The following RARB variants were observed in gnomAD, a reference collection of about 807,000 sequenced individuals.
The protein encoded by RARB is retinoic acid receptor beta, also known as HBV-activated protein.
A neutral mutation model predicts 51.9 loss-of-function variants in RARB; 17 were observed. The ratio of observed to expected loss-of-function variants is 0.33; its 90% CI spans 0.22 to 0.49. The LOEUF (loss-of-function observed/expected upper bound fraction) is 0.49. RARB is among the 20% of genes least tolerant of loss of function. The pLI is 0.99. For synonymous variants in RARB, 215 were observed against 195.4 expected, an observed-to-expected ratio of 1.10 and a Z score of -0.84; for missense variants, 369 against 550.8, an observed-to-expected ratio of 0.67 and a Z score of 3.30.
intron 4 of RARB, among the ~76,000 whole-genome samples, chr3:25,169,391 C>A (rs1431249978): frequency 6.6e-6 from 1 of 152,046 alleles, no homozygotes; most frequent in Non-Finnish European, 1.5e-5. Flanking sequence ...ACATGACATG[C>A]CAGACAAAAT....
intron 5 of RARB, among the ~76,000 whole-genome samples, chr3:25,266,258 A>G (rs1411922588): frequency 6.6e-6 from 1 of 152,132 alleles, no homozygotes; most frequent in Admixed American, 6.5e-5. Flanking sequence ...TGCTTAATAC[A>G]ACAATAGGGG....
chr3:25,562,645 G>A (rs1045087028), intron 3 of RARB, among the ~76,000 whole-genome samples: 5 of 152,038 alleles, frequency 3.3e-5, no homozygotes, highest in Non-Finnish European at 5.9e-5. Context: ...CTCATTTCTG[G>A]AATTGAACTT....
intron 5 of RARB, among the ~76,000 whole-genome samples, chr3:25,356,414 T>C (rs2125460671): frequency 6.6e-6 from 1 of 152,308 alleles, no homozygotes; most frequent in African/African-American, 2.4e-5. Flanking sequence ...TTTATAATAG[T>C]CTATTTCTAA....
At chr3:25,399,355 C>T (rs1707204361) in intron 5 of RARB, among the ~76,000 whole-genome samples, 1 of 152,054 alleles carries the variant, frequency 6.6e-6, no homozygotes, top group Non-Finnish European at 1.5e-5. Context: ...CTTCCAAATC[C>T]CCTTGCATCA....
intron 1 of RARB, among the ~76,000 whole-genome samples, chr3:24,837,692 C>G (rs1047974823): frequency 6.6e-6 from 1 of 152,056 alleles, no homozygotes; most frequent in African/African-American, 2.4e-5. Flanking sequence ...TTTGTTATGG[C>G]ACAGATCGAA....
intron 5 of RARB, among the ~76,000 whole-genome samples, chr3:25,412,786 G>A (rs560367977): frequency 3.5e-4 from 54 of 152,228 alleles, no homozygotes; most frequent in Non-Finnish European, 6.0e-4. Flanking sequence ...TTGGGAGGCC[G>A]AGGCGGGCAG....
chr3:25,437,698 G>C (rs1317713019), intron 1 of RARB, among the ~76,000 whole-genome samples: 1 of 152,162 alleles, frequency 6.6e-6, no homozygotes, highest in Admixed American at 6.5e-5. Flanking sequence ...TGTCACAGTG[G>C]AGCGGGCGTG....
chr3:25,514,072 A>T (rs1383360255), intron 3 of RARB, among the ~76,000 whole-genome samples: 2 of 152,202 alleles, frequency 1.3e-5, no homozygotes, highest in Non-Finnish European at 2.9e-5. Flanking sequence ...TAAAAATAGC[A>T]ACCTGAAATT....
chr3:25,205,017 C>G (rs994802334), intron 5 of RARB, among the ~76,000 whole-genome samples: 3 of 152,260 alleles, frequency 2.0e-5, no homozygotes, highest in Non-Finnish European at 4.4e-5. Context: ...TGCCTTGCCC[C>G]CAGAGGTGGA....
At position 25,007,592 on chromosome 3, in the gene RARB, C is replaced by CAAA. The variant is rs759589176; in HGVS notation, c.-379-52523_-379-52521dup. On this transcript the variant is annotated intron_variant, in intron 2 of 11. Transcript: ENST00000383772. ...CCTGGGCAACAGAGTGAGACTGTCT[C>CAAA]AAAAAAAAAAAACAAAAAAACCTCA... Among the ~76,000 whole-genome samples the CAAA allele has an allele frequency of 1.2e-3, 53 of 45,398 alleles. 5 individuals are homozygous for CAAA. Among genetic ancestry groups the CAAA allele is most frequent in the African/African-American group, 3.8e-3 (36 of 9,460 alleles). The allele number at this position is 45,398 out of a possible 152,430, so 29.8% of individuals were successfully genotyped here.
chr3:25,077,239 G>A (rs902713642), intron 3 of RARB, among the ~76,000 whole-genome samples: 5 of 152,178 alleles, frequency 3.3e-5, no homozygotes, highest in South Asian at 2.1e-4. Flanking sequence ...AGCACATAGT[G>A]AATGTGCAGA....
At chr3:24,880,928 A>G (rs1445666142) in intron 2 of RARB, among the ~76,000 whole-genome samples, 1 of 152,162 alleles carries the variant, frequency 6.6e-6, no homozygotes, top group African/African-American at 2.4e-5. Flanking sequence ...TCATATGTAG[A>G]AGTTCTTTGG....
chr3:25,339,905 A>G (rs1399624670), intron 5 of RARB, among the ~76,000 whole-genome samples: 11 of 152,190 alleles, frequency 7.2e-5, no homozygotes, highest in Admixed American at 3.3e-4. Context: ...CTCTGGCTGC[A>G]GTTTTTATAT....
intron 3 of RARB, among the ~76,000 whole-genome samples, chr3:25,131,239 A>C (rs11129185): frequency 0.56 from 84,658 of 151,280 alleles, 23,903 homozygotes; most frequent in East Asian, 0.7. Context: ...CTTAGAGCCA[A>C]GGACAACATG....
chr3:24,856,296 G>A (rs1702635177), intron 1 of RARB, among the ~76,000 whole-genome samples: 1 of 152,062 alleles, frequency 6.6e-6, no homozygotes, highest in African/African-American at 2.4e-5. Flanking sequence ...TCACTTTGTG[G>A]CGAGGCTTCC....
At chr3:24,894,766 A>AT (rs1464629255) in intron 2 of RARB, among the ~76,000 whole-genome samples, 2 of 152,212 alleles carry the variant, frequency 1.3e-5, no homozygotes, top group Non-Finnish European at 1.5e-5. Context: ...TAACCATAAT[A>AT]TATCAATTAT....
Position 25,357,705 on chromosome 3 carries a change from G to A in RARB, c.179-103488G>A, listed in dbSNP as rs745890214. Among the ~76,000 whole-genome samples, 4 of 152,096 alleles carry A rather than the reference G, an allele frequency of 2.6e-5. No homozygotes were observed. In the East Asian group the frequency reaches 5.8e-4, roughly 22 times the overall value. ...ATCTTTGTATAAGGTGTAAGGAAGG[G>A]GTGCAGTTTCAGTTTTCTGCATATG... On this transcript the variant is annotated intron_variant, in intron 5 of 11. Coordinates refer to the RARB transcript ENST00000383772.
chr3:25,318,771 A>C (rs1277361344), intron 5 of RARB, among the ~76,000 whole-genome samples: 1 of 152,240 alleles, frequency 6.6e-6, no homozygotes, highest in Non-Finnish European at 1.5e-5. Flanking sequence ...TGGCCTCCAC[A>C]TTTAAAAATT....
intron 5 of RARB, among the ~76,000 whole-genome samples, chr3:25,290,956 C>G (rs757584555): frequency 6.6e-6 from 1 of 152,032 alleles, no homozygotes; most frequent in African/African-American, 2.4e-5. Context: ...CCTCTCTGAC[C>G]CTGAAGTTTT....
Sources: gnomAD v4.1 joint callset for allele counts (sites outside exome capture counted in the v4.1 genomes callset) on GRCh38, gnomAD v4.1.1 for gene constraint, MANE v1.5 for transcripts, NCBI Gene and HGNC (gene_info 2026-07-23, HGNC 2026-07-21) for gene names.